The following NTRK3 variants were observed in gnomAD, a reference collection of about 807,000 sequenced individuals.
NTRK3 encodes the protein NT-3 growth factor receptor.
In NTRK3, 24 loss-of-function variants were observed where a neutral mutation model predicts 91.7. That is an observed-to-expected ratio of 0.26 (90% CI 0.19 to 0.37). The LOEUF is 0.37. Among genes scored for constraint, NTRK3 ranks in the 10% least tolerant of loss-of-function variants. The pLI is 1.00. For missense variants in NTRK3, 880 were observed against 1,068.9 expected (o/e 0.82, Z 2.46); for synonymous variants, 483 against 404.0 (o/e 1.20, Z -2.34).
chr15:87,911,593 C>G (rs1375746768), intron 17 of NTRK3, among the ~76,000 whole-genome samples: 1 of 152,164 alleles, frequency 6.6e-6, no homozygotes, highest in Non-Finnish European at 1.5e-5. Flanking sequence ...TAGCGTTTTC[C>G]AATCTTGCCA....
chr15:88,030,021 C>T (rs991825061), intron 14 of NTRK3, among the ~76,000 whole-genome samples: 13 of 152,234 alleles, frequency 8.5e-5, no homozygotes, highest in Non-Finnish European at 1.5e-4. Context: ...TTTCTGAAAA[C>T]AATTAGGAGC....
exon 19 of NTRK3, chr15:87,867,214 G>A (rs1368146057): frequency 8.8e-6 from 2 of 226,288 alleles, no homozygotes; most frequent in Non-Finnish European, 1.8e-5. Context: ...ATGGCTGGGA[G>A]AACGCACTTG....
intron 13 of NTRK3, among the ~76,000 whole-genome samples, chr15:88,048,884 G>A (rs776720980): frequency 1.3e-5 from 2 of 152,166 alleles, no homozygotes; most frequent in Non-Finnish European, 2.9e-5. Context: ...CAGCACTGCT[G>A]TAAATACAAC....
In NTRK3 at chr15:88,233,127, G is replaced by A. The variant is rs747708034; in HGVS notation, c.248+22779C>T. Among the ~76,000 whole-genome samples, 2 of 152,214 alleles carry A rather than the reference G, an allele frequency of 1.3e-5. No individual in the cohort carries two copies. Among genetic ancestry groups the A allele is most frequent in the Non-Finnish European group, 2.9e-5 (2 of 68,038 alleles). On this transcript the variant is annotated intron_variant, in intron 3 of 18. Transcript: ENST00000394480. This position sits in a 1 kb window ranked among gnomAD's most constrained non-coding sequence, Gnocchi z 4.2. ...TCACTGAATAAGTTAATGGGGCAGAGAGAATCTATTTCGGAGCCACCCCAG... is the reference window on the plus strand; with the variant it reads ...TCACTGAATAAGTTAATGGGGCAGAAAGAATCTATTTCGGAGCCACCCCAG...
chr15:88,094,194 C>A (rs535315070), intron 13 of NTRK3, among the ~76,000 whole-genome samples: 1 of 152,104 alleles, frequency 6.6e-6, no homozygotes, highest in Non-Finnish European at 1.5e-5. Flanking sequence ...CGGCCGGGCG[C>A]GGTGGCTCAC....
intron 14 of NTRK3, among the ~76,000 whole-genome samples, chr15:88,019,785 A>AATAC: frequency 6.6e-6 from 1 of 152,194 alleles, no homozygotes; most frequent in East Asian, 1.9e-4. Context: ...CTAGAGTCCT[A>AATAC]ATACACTTCA....
At chr15:88,001,955 C>T (rs1422593477) in intron 14 of NTRK3, among the ~76,000 whole-genome samples, 1 of 151,942 alleles carries the variant, frequency 6.6e-6, no homozygotes, top group Non-Finnish European at 1.5e-5. Context: ...TTAATTCTTC[C>T]AATCAATATA....
intron 17 of NTRK3, among the ~76,000 whole-genome samples, chr15:87,899,584 C>G (rs1463471717): frequency 6.6e-6 from 1 of 152,150 alleles, no homozygotes; most frequent in East Asian, 1.9e-4. Context: ...TTGGGCCCCC[C>G]TTTTGTTTTA....
Position 88,233,096 on chromosome 15 carries a change from T to C in NTRK3, c.248+22810A>G, listed in dbSNP as rs1346096936. Among the ~76,000 whole-genome samples the C allele has an allele frequency of 1.3e-5, 2 of 152,204 alleles. No individual in the cohort carries two copies. The highest frequency in any genetic ancestry group is 4.8e-5 in the African/African-American group (2 of 41,438). Reference sequence around the variant, plus strand: ...TCAAGGCTGAGGGGAGAAGGGACCATTAAACTCACTGAATAAGTTAATGGG... The same window carrying C: ...TCAAGGCTGAGGGGAGAAGGGACCACTAAACTCACTGAATAAGTTAATGGG... On this transcript the variant is annotated intron_variant, in intron 3 of 18. Coordinates refer to ENST00000394480, the Ensembl canonical transcript of NTRK3. The surrounding 1 kb of genome is among the most constrained non-coding windows in gnomAD (Gnocchi z 4.2).
At chr15:88,137,724 A>G (rs2042009112) in intron 6 of NTRK3, among the ~76,000 whole-genome samples, 163 bp from the exon 7 acceptor site, 1 of 152,206 alleles carries the variant, frequency 6.6e-6, no homozygotes, top group Non-Finnish European at 1.5e-5. Context: ...AAGTCCATAA[A>G]TTGCAGTTTT....
At chr15:88,201,021 C>T (rs1452592331) in intron 3 of NTRK3, among the ~76,000 whole-genome samples, 1 of 152,252 alleles carries the variant, frequency 6.6e-6, no homozygotes, top group East Asian at 1.9e-4. Flanking sequence ...CAGCATCTTG[C>T]TAATGGCTCA....
In NTRK3 at chr15:88,161,809, G is replaced by C. The variant is rs544514776; in HGVS notation, c.396-14406C>G. Among the ~76,000 whole-genome samples the C allele has an allele frequency of 4.6e-5, 7 of 152,286 alleles. No homozygotes were observed. The South Asian group carries it at 1.5e-3, about 32-fold the overall frequency. On this transcript the variant is annotated intron_variant, in intron 5 of 18. Coordinates refer to ENST00000394480, the Ensembl canonical transcript of NTRK3. ...CCCAGCTGAACAAACATGCTGAGCTGCTCATGAGTCCCACAGAGGTCGGCC... is the reference window on the plus strand; with the variant it reads ...CCCAGCTGAACAAACATGCTGAGCTCCTCATGAGTCCCACAGAGGTCGGCC...
rs540198597 is a variant in NTRK3, at chr15:87,932,924, G to C, written c.1889+88C>G. 1.4e-5 allele frequency: 18 copies of C among 1,294,232 alleles called. No individual in the cohort carries two copies. In the African/African-American group the frequency reaches 2.5e-4, roughly 18 times the overall value. The allele number at this position is 1,294,232 out of a possible 1,614,324, so 80.2% of individuals were successfully genotyped here. A position where few individuals can be genotyped will look rare whatever the true frequency, so the allele number is the denominator to read the frequency against. The stretch of plus-strand genomic sequence containing the variant: ...TCATCCTGAGAGGAAAGTGTTTAGA[G>C]GGGGTAGTATAATTTCTGGCTCCAG... On this transcript the variant is annotated intron_variant, in intron 16 of 18. Transcript: ENST00000394480.
rs182023705 is a variant in NTRK3, at chr15:87,910,913, A to T, written c.2133+18278T>A. Among the ~76,000 whole-genome samples, 156 of 152,362 alleles carry T rather than the reference A, an allele frequency of 1.0e-3. 1 individual carries two copies. Among genetic ancestry groups the T allele is most frequent in the Middle Eastern group, 0.01 (3 of 294 alleles). On this transcript the variant is annotated intron_variant, in intron 17 of 18. Coordinates refer to ENST00000394480, the Ensembl canonical transcript of NTRK3. Reference sequence around the variant, plus strand: ...TTAAATTTGGTCGTGAGAGATAATTAGTGACCCCAAAACTGCAGATTCAAT... The same window carrying T: ...TTAAATTTGGTCGTGAGAGATAATTTGTGACCCCAAAACTGCAGATTCAAT...
At chr15:87,932,908 G>A (rs1338027943) in intron 16 of NTRK3, 104 bp downstream of exon 16, 6 of 1,141,166 alleles carry the variant, frequency 5.3e-6, no homozygotes, top group African/African-American at 1.5e-5. Context: ...CTCATCCTGA[G>A]AGGAAAGTGT....
chr15:87,992,453 T>A (rs922824615), intron 14 of NTRK3, among the ~76,000 whole-genome samples: 4 of 152,236 alleles, frequency 2.6e-5, no homozygotes, highest in African/African-American at 9.6e-5. Context: ...AGTTAATTGT[T>A]CATTTCTGTT....
At chr15:88,207,364 A>T (rs1254781833) in intron 3 of NTRK3, among the ~76,000 whole-genome samples, 8 of 152,098 alleles carry the variant, frequency 5.3e-5, no homozygotes, top group Non-Finnish European at 1.2e-4. Flanking sequence ...TTTCCCCCCA[A>T]CACCTTCTGA....
At chr15:88,033,214 A>ATG (rs1378017541) in intron 13 of NTRK3, among the ~76,000 whole-genome samples, 169 bp from the exon 14 acceptor site, 2 of 129,160 alleles carry the variant, frequency 1.5e-5, no homozygotes, top group South Asian at 2.6e-4. Flanking sequence ...ATATATATAT[A>ATG]TAAATTCAGT....
At chr15:87,890,140 A>T (rs779339868) in intron 17 of NTRK3, among the ~76,000 whole-genome samples, 7 of 152,024 alleles carry the variant, frequency 4.6e-5, no homozygotes, top group Non-Finnish European at 7.4e-5. Context: ...CAGAGCCCTG[A>T]TTAGATCTAG....
Sources: allele counts gnomAD v4.1 joint callset (sites outside exome capture counted in the v4.1 genomes callset), GRCh38; gene constraint gnomAD v4.1.1; non-coding constraint Gnocchi (gnomAD v3.1); transcripts MANE v1.5; gene names NCBI Gene and HGNC (gene_info 2026-07-23, HGNC 2026-07-21).